GLIS1: variants seen among roughly 807,000 people sequenced by gnomAD.
The protein encoded by GLIS1 is GLIS family zinc finger 1.
In GLIS1, 24 loss-of-function variants were observed where a neutral mutation model predicts 63.8. That is an observed-to-expected ratio of 0.38 (90% confidence interval 0.27 to 0.53). The LOEUF is 0.53. Among genes scored for constraint, GLIS1 ranks in the 20% least tolerant of loss-of-function variants. The pLI is 0.85. For missense variants in GLIS1, 1,036 were observed against 1,074.1 expected (o/e 0.96, Z 0.50); for synonymous variants, 450 against 482.5 (o/e 0.93, Z 0.88).
chr1:53,729,033 C>G (rs919377561), intron 2 of GLIS1, among the ~76,000 whole-genome samples: 1 of 152,206 alleles, frequency 6.6e-6, no homozygotes, highest in Admixed American at 6.5e-5. Context: ...TAAAAGAGCT[C>G]TTGAAATTAG....
At chr1:53,616,802 T>G (rs772356102) in intron 2 of GLIS1, among the ~76,000 whole-genome samples, 4 of 152,070 alleles carry the variant, frequency 2.6e-5, no homozygotes, top group Non-Finnish European at 5.9e-5. Flanking sequence ...GGGCAAGAGT[T>G]CCAAGTCCCT....
intron 2 of GLIS1, among the ~76,000 whole-genome samples, chr1:53,647,833 G>C (rs1645862562): frequency 6.6e-6 from 1 of 151,988 alleles, no homozygotes; most frequent in Non-Finnish European, 1.5e-5. Context: ...CTTGGATCTA[G>C]AATACATGAA....
Position 53,509,300 on chromosome 1 carries a change from G to A in GLIS1, c.2063-13C>T, listed in dbSNP as rs746971724. 5 of 1,557,562 alleles carry A rather than the reference G, an allele frequency of 3.2e-6. No homozygotes were observed. Among genetic ancestry groups the A allele is most frequent in the Non-Finnish European group, 2.6e-6 (3 of 1,145,574 alleles). On this transcript the variant is annotated splice_polypyrimidine_tract_variant and intron_variant, in intron 9 of 10. Transcript: ENST00000628545. Reference sequence around the variant, plus strand: ...CTGCCCTGGTAACCTGCAGACGGGGGTAGCAGGGGCCGCGTTCACAAAGGA... The same window carrying A: ...CTGCCCTGGTAACCTGCAGACGGGGATAGCAGGGGCCGCGTTCACAAAGGA...
intron 2 of GLIS1, among the ~76,000 whole-genome samples, chr1:53,724,073 A>G (rs935242820): frequency 1.3e-5 from 2 of 152,194 alleles, no homozygotes; most frequent in Non-Finnish European, 2.9e-5. Context: ...CTCTGAGAAT[A>G]GGACAGATCC....
chr1:53,559,311 GGA>G (rs1232286620), intron 4 of GLIS1, among the ~76,000 whole-genome samples: 1 of 152,204 alleles, frequency 6.6e-6, no homozygotes, highest in African/African-American at 2.4e-5. Context: ...TTGGTGGACT[GGA>G]GAGAGGACCT....
At chr1:53,572,714 C>A (rs1226260473) in intron 4 of GLIS1, among the ~76,000 whole-genome samples, 1 of 152,232 alleles carries the variant, frequency 6.6e-6, no homozygotes, top group African/African-American at 2.4e-5. Context: ...AAGGAGCCAG[C>A]AGGATGGCAC....
intron 2 of GLIS1, among the ~76,000 whole-genome samples, chr1:53,700,544 C>T (rs952215512): frequency 6.6e-6 from 1 of 152,156 alleles, no homozygotes; most frequent in Non-Finnish European, 1.5e-5. Context: ...ATGGAGCATG[C>T]GTGAGGGTGG....
At chr1:53,719,907 G>T (rs1646736852) in intron 2 of GLIS1, among the ~76,000 whole-genome samples, 1 of 152,200 alleles carries the variant, frequency 6.6e-6, no homozygotes. Flanking sequence ...CTGGCACATT[G>T]GCTCATGCCT....
At position 53,635,547 on chromosome 1, in the gene GLIS1, TA is replaced by T. The variant is rs368725112; in HGVS notation, c.260-35270del. On this transcript the variant is annotated intron_variant, in intron 2 of 10. Coordinates refer to ENST00000628545, the MANE Select transcript of GLIS1 (RefSeq NM_001367484.1). Reference sequence around the variant, plus strand: ...AAGTTAAATATCCACCACAAGATGTTAAAAAAAAAAAGCAAAATGAAGTAGC... The same window carrying T: ...AAGTTAAATATCCACCACAAGATGTTAAAAAAAAAAGCAAAATGAAGTAGC... 4.0e-3 allele frequency among the ~76,000 whole-genome samples: 580 copies of T among 143,352 alleles called. 2 individuals are homozygous for T. Among genetic ancestry groups the T allele is most frequent in the Non-Finnish European group, 5.4e-3 (351 of 65,218 alleles). The allele number at this position is 143,352 out of a possible 152,430, so 94.0% of individuals were successfully genotyped here. A position where few individuals can be genotyped will look rare whatever the true frequency, so the allele number is the denominator to read the frequency against.
chr1:53,691,821 C>T (rs1329225521), intron 2 of GLIS1, among the ~76,000 whole-genome samples: 2 of 152,174 alleles, frequency 1.3e-5, no homozygotes, highest in African/African-American at 2.4e-5. Context: ...CCACTCCAAC[C>T]CAGGGTCACA....
chr1:53,725,523 A>T (rs1322562831), intron 2 of GLIS1, among the ~76,000 whole-genome samples: 1 of 152,150 alleles, frequency 6.6e-6, no homozygotes, highest in East Asian at 1.9e-4. Flanking sequence ...ACAGCAAATG[A>T]TAAGGTGCTG....
At chr1:53,571,233 G>A (rs552594740) in intron 4 of GLIS1, among the ~76,000 whole-genome samples, 1 of 152,282 alleles carries the variant, frequency 6.6e-6, no homozygotes, top group East Asian at 1.9e-4. Context: ...TGCCAAACTG[G>A]CATAGTTACA....
chr1:53,718,986 T>A (rs1646726250), intron 2 of GLIS1, among the ~76,000 whole-genome samples: 6 of 152,194 alleles, frequency 3.9e-5, no homozygotes, highest in Admixed American at 2.6e-4. Flanking sequence ...CCTGGGCCAC[T>A]TCTGTGGGGT....
chr1:53,701,998 GAAAAAAAAAAAAAA>G (rs919008620), intron 2 of GLIS1, among the ~76,000 whole-genome samples: 14 of 56,294 alleles, frequency 2.5e-4, no homozygotes, highest in African/African-American at 7.3e-4. Context: ...ACCTAAAAAA[GAAAAAAAAAAAAAA>G]AAAAAAAAAA....
At chr1:53,719,683 G>A (rs758966973) in intron 2 of GLIS1, among the ~76,000 whole-genome samples, 2 of 152,122 alleles carry the variant, frequency 1.3e-5, no homozygotes, top group African/African-American at 4.8e-5. Flanking sequence ...TGAGTAAGAT[G>A]GGGGTGGAGT....
chr1:53,624,563 C>T (rs888549865), intron 2 of GLIS1, among the ~76,000 whole-genome samples: 6 of 149,910 alleles, frequency 4.0e-5, no homozygotes, highest in Non-Finnish European at 3.0e-5. Context: ...TTTAAAGAGA[C>T]GGAGTCTCCT....
In GLIS1 at chr1:53,615,710, A is replaced by G. The variant is rs1645474260; in HGVS notation, c.260-15432T>C. ...TCCATGAATCTCTCATTCTAAGATG[A>G]TATGATTTTATTTATTTATTTTATT... On this transcript the variant is annotated intron_variant, in intron 2 of 10. Transcript: ENST00000628545. Among the ~76,000 whole-genome samples the G allele has an allele frequency of 2.6e-5, 4 of 151,294 alleles. No homozygotes were observed. The South Asian group carries it at 8.4e-4, about 32-fold the overall frequency.
chr1:53,697,423 C>A (rs905302761), intron 2 of GLIS1, among the ~76,000 whole-genome samples: 1 of 152,202 alleles, frequency 6.6e-6, no homozygotes, highest in Non-Finnish European at 1.5e-5. Flanking sequence ...CCTCTCTTCA[C>A]CCTTCAAAGC....
chr1:53,689,053 G>T (rs882879), intron 2 of GLIS1, among the ~76,000 whole-genome samples: 98,563 of 152,064 alleles, frequency 0.65, 33,605 homozygotes, highest in Non-Finnish European at 0.74. Flanking sequence ...GCACTTTGTG[G>T]ATGGCTGAGC....
Sources: allele counts gnomAD v4.1 joint callset (sites outside exome capture counted in the v4.1 genomes callset), GRCh38; gene constraint gnomAD v4.1.1; transcripts MANE v1.5; gene names NCBI Gene and HGNC (gene_info 2026-07-23, HGNC 2026-07-21).